Variants in MEIS1 observed in about 807,000 individuals in gnomAD.
The protein encoded by MEIS1 is Meis homeobox 1.
MEIS1 carries 5 observed loss-of-function variants against 50.8 expected under a neutral mutation model. That is an observed-to-expected ratio of 0.10 (90% CI 0.05 to 0.21). The LOEUF is 0.21. MEIS1 is among the 10% of genes least tolerant of loss of function. MEIS1 has a pLI of 1.00. For synonymous variants in MEIS1, 176 were observed against 179.3 expected (o/e 0.98, Z 0.15); for missense variants, 318 against 517.3 (o/e 0.61, Z 3.74).
chr2:66,557,251 A>C (rs1230584310), intron 9 of MEIS1, among the ~76,000 whole-genome samples: 1 of 152,176 alleles, frequency 6.6e-6, no homozygotes, highest in African/African-American at 2.4e-5. Flanking sequence ...CCAGTCCACT[A>C]GAATGTACTT....
chr2:66,442,761 C>G, intron 5 of MEIS1, 141 bp from the exon 6 acceptor site: 1 of 724,374 alleles, frequency 1.4e-6, no homozygotes, highest in Admixed American at 3.0e-5. Context: ...CTGGATGCGT[C>G]TGGGGGTCTC....
chr2:66,556,505 T>TC (rs1675069137), intron 9 of MEIS1, among the ~76,000 whole-genome samples: 1 of 151,702 alleles, frequency 6.6e-6, no homozygotes, highest in African/African-American at 2.4e-5. Flanking sequence ...TTTTTTTTTT[T>TC]CAAAAACAAT....
chr2:66,495,033 A>G (rs990787508), intron 7 of MEIS1, among the ~76,000 whole-genome samples: 19 of 148,700 alleles, frequency 1.3e-4, no homozygotes, highest in Admixed American at 9.4e-4. Context: ...TTCCACATTC[A>G]CATAGCCTAA....
Position 66,440,586 on chromosome 2 carries a change from T to C in MEIS1, c.406T>C (p.Ser136Pro). Reference protein sequence around the residue: ...KQIRAEKPLFSSNPELDNLMI... With the variant: ...KQIRAEKPLFPSNPELDNLMI... The stretch of plus-strand genomic sequence containing the variant: ...GATTCGCGCAGAAAAACCTCTATTT[T>C]CTTCTAATCCAGAACTGGATAACTT... Residue 136 changes from serine to proline, a missense_variant, in exon 4 of 13, where the codon TCT (serine) becomes CCT (proline). By Grantham distance (74) the Ser-to-Pro change is moderately conservative (BLOSUM62 -1). Transcript: ENST00000272369. The C allele has an allele frequency of 3.7e-6, 6 of 1,613,230 alleles. No homozygotes were observed. Among genetic ancestry groups the C allele is most frequent in the Non-Finnish European group, 5.1e-6 (6 of 1,179,610 alleles).
At chr2:66,462,513 C>T (rs986219778) in intron 6 of MEIS1, among the ~76,000 whole-genome samples, 10 of 152,258 alleles carry the variant, frequency 6.6e-5, no homozygotes, top group South Asian at 6.2e-4. Flanking sequence ...TTTTACATGT[C>T]GAGGCACCGG....
At chr2:66,491,541 G>A (rs1361808360) in intron 7 of MEIS1, among the ~76,000 whole-genome samples, 1 of 152,134 alleles carries the variant, frequency 6.6e-6, no homozygotes, top group Non-Finnish European at 1.5e-5. Context: ...GTTTTCTCAG[G>A]CCTTGGATAT....
At chr2:66,530,209 A>AT in intron 8 of MEIS1, among the ~76,000 whole-genome samples, 1 of 151,466 alleles carries the variant, frequency 6.6e-6, no homozygotes, top group East Asian at 1.9e-4. Context: ...AAAAAAAAAA[A>AT]GGAAAGAAGA....
chr2:66,500,407 C>G (rs993534636), intron 7 of MEIS1, among the ~76,000 whole-genome samples: 3 of 152,034 alleles, frequency 2.0e-5, no homozygotes, highest in African/African-American at 7.2e-5. Context: ...TGTCAGAAAG[C>G]TTTTTAAATT....
chr2:66,464,358 T>C (rs757125746), intron 7 of MEIS1, 138 bp downstream of exon 7: 2 of 714,764 alleles, frequency 2.8e-6, no homozygotes, highest in Non-Finnish European at 4.8e-6. Flanking sequence ...GCTCATCTTA[T>C]TTTATTCTCT....
At chr2:66,479,079 G>A (rs969392615) in intron 7 of MEIS1, among the ~76,000 whole-genome samples, 1 of 152,226 alleles carries the variant, frequency 6.6e-6, no homozygotes, top group African/African-American at 2.4e-5. Flanking sequence ...CAATGGCCTT[G>A]TGCTGAGATA....
In MEIS1 at chr2:66,532,843, A is replaced by T. The variant is rs376390909; in HGVS notation, c.889-15100A>T. Among the ~76,000 whole-genome samples the T allele has an allele frequency of 7.2e-5, 11 of 152,310 alleles. No homozygotes were observed. In the East Asian group the frequency reaches 1.9e-3, roughly 27 times the overall value. ...GGCTTCTGAAACTGTATGACATGAC[A>T]TATATTTCTCTCTTTAGTCTGCATA... On this transcript the variant is annotated intron_variant, in intron 8 of 12. Coordinates refer to ENST00000272369, the MANE Select transcript of MEIS1 (RefSeq NM_002398.3).
intron 8 of MEIS1, among the ~76,000 whole-genome samples, chr2:66,545,301 T>C (rs1674763510): frequency 6.6e-6 from 1 of 152,204 alleles, no homozygotes; most frequent in African/African-American, 2.4e-5. Context: ...GGAAATGTTA[T>C]AGATTGGAAG....
rs540456266 is a variant in MEIS1, at chr2:66,571,746, T to C, written c.*538T>C. 157 of 569,528 alleles carry C rather than the reference T, an allele frequency of 2.8e-4. 1 individual carries two copies. In the South Asian group the frequency reaches 3.6e-3, roughly 13 times the overall value. The allele number at this position is 569,528 out of a possible 1,614,324, so 35.3% of individuals were successfully genotyped here. ...CATTAAGAGAACAAAGAGTGAAATA[T>C]TGTAAATGCTATTATACTGTTATCC... is the stretch of plus-strand genomic sequence containing the variant. On this transcript the variant is annotated 3_prime_UTR_variant, in exon 13 of 13. Transcript: ENST00000272369.
chr2:66,450,278 C>T (rs1672247330), intron 6 of MEIS1, among the ~76,000 whole-genome samples: 2 of 152,084 alleles, frequency 1.3e-5, no homozygotes, highest in African/African-American at 2.4e-5. Flanking sequence ...TTTATACTCA[C>T]GAAGTAAACA....
intron 8 of MEIS1, among the ~76,000 whole-genome samples, chr2:66,522,529 A>T (rs1272419612): frequency 6.6e-6 from 1 of 152,206 alleles, no homozygotes; most frequent in Middle Eastern, 3.2e-3. Context: ...ATTGGCAGGC[A>T]TTCTTTTTGA....
At chr2:66,497,874 C>T (rs1373527796) in intron 7 of MEIS1, among the ~76,000 whole-genome samples, 1 of 152,144 alleles carries the variant, frequency 6.6e-6, no homozygotes, top group African/African-American at 2.4e-5. Flanking sequence ...TATCCTCATC[C>T]ACCAATTGGC....
intron 8 of MEIS1, among the ~76,000 whole-genome samples, chr2:66,538,119 A>G (rs1674564279): frequency 6.6e-6 from 1 of 152,208 alleles, no homozygotes. Flanking sequence ...TGTCACAAAT[A>G]AACCCAAGAA....
At chr2:66,551,141 T>G (rs1396727667) in intron 9 of MEIS1, among the ~76,000 whole-genome samples, 2 of 152,178 alleles carry the variant, frequency 1.3e-5, no homozygotes, top group African/African-American at 4.8e-5. Context: ...AACTCATGTC[T>G]AGTTGTTAGA....
At chr2:66,535,122 G>A (rs1014363281) in intron 8 of MEIS1, among the ~76,000 whole-genome samples, 9 of 152,058 alleles carry the variant, frequency 5.9e-5, no homozygotes, top group African/African-American at 1.7e-4. Context: ...GATAAACTTT[G>A]AGCTTCAGTA....
Sources: gnomAD v4.1 joint callset for allele counts (sites outside exome capture counted in the v4.1 genomes callset) on GRCh38, gnomAD v4.1.1 for gene constraint, MANE v1.5 for transcripts, NCBI Gene and HGNC (gene_info 2026-07-23, HGNC 2026-07-21) for gene names.